The following VPS50 variants were observed in gnomAD, a reference collection of about 807,000 sequenced individuals.
VPS50 encodes the protein syndetin.
Under a neutral mutation model 139.7 loss-of-function variants are expected in VPS50, and 70 were observed. That is an observed-to-expected ratio of 0.50 (90% confidence interval 0.41 to 0.61). The LOEUF (loss-of-function observed/expected upper bound fraction) is 0.61. Among genes scored for constraint, VPS50 ranks in the 20% least tolerant of loss-of-function variants. The pLI is 0.00. For synonymous variants in VPS50, 365 were observed against 376.7 expected (o/e 0.97, Z 0.36); for missense variants, 921 against 1,133.7 (o/e 0.81, Z 2.69).
chr7:93,311,730 G>A (rs566761437), intron 20 of VPS50, among the ~76,000 whole-genome samples: 1 of 146,000 alleles, frequency 6.8e-6, no homozygotes, highest in East Asian at 1.9e-4. Flanking sequence ...TATAGGAAAT[G>A]TTGTTTTTGT....
At chr7:93,346,719 T>TG (rs1227730919) in intron 23 of VPS50, among the ~76,000 whole-genome samples, 1 of 147,362 alleles carries the variant, frequency 6.8e-6, no homozygotes, top group East Asian at 2.0e-4. Flanking sequence ...AAACAAGCAA[T>TG]GGGGAAAGGA....
At chr7:93,268,987 A>G (rs1427220511) in intron 9 of VPS50, among the ~76,000 whole-genome samples, 4 of 152,154 alleles carry the variant, frequency 2.6e-5, no homozygotes, top group Non-Finnish European at 5.9e-5. Flanking sequence ...TTACATATAG[A>G]GAGGGAAGAA....
At chr7:93,281,057 C>T (rs1796313238) in intron 12 of VPS50, among the ~76,000 whole-genome samples, 1 of 152,110 alleles carries the variant, frequency 6.6e-6, no homozygotes, top group South Asian at 2.1e-4. Flanking sequence ...CCATATTTGT[C>T]TCCAACTGGT....
intron 16 of VPS50, among the ~76,000 whole-genome samples, chr7:93,300,213 A>T (rs533014662): frequency 1.3e-5 from 2 of 152,292 alleles, no homozygotes; most frequent in South Asian, 2.1e-4. Flanking sequence ...TTTGGGCTTC[A>T]AAACATTTCC....
intron 16 of VPS50, among the ~76,000 whole-genome samples, chr7:93,299,773 T>C (rs982885886): frequency 3.3e-5 from 5 of 152,116 alleles, no homozygotes; most frequent in Non-Finnish European, 5.9e-5. Context: ...TTTCTACTTC[T>C]CAAAAGTATA....
chr7:93,269,363 G>T (rs554776862), intron 9 of VPS50, among the ~76,000 whole-genome samples: 1 of 152,132 alleles, frequency 6.6e-6, no homozygotes, highest in Admixed American at 6.6e-5. Context: ...CCTGGTTAGA[G>T]ATCTTAATTT....
intron 9 of VPS50, among the ~76,000 whole-genome samples, chr7:93,263,039 GT>G (rs35092297): frequency 3.4e-5 from 5 of 147,264 alleles, no homozygotes; most frequent in Non-Finnish European, 6.0e-5. Context: ...CTTTTTTTTT[GT>G]TTTTTTTTCT....
At chr7:93,340,058 T>G (rs1457145717) in intron 22 of VPS50, among the ~76,000 whole-genome samples, 1 of 152,198 alleles carries the variant, frequency 6.6e-6, no homozygotes, top group African/African-American at 2.4e-5. Context: ...TAAAAGTTCT[T>G]AATGGCCTTC....
At chr7:93,235,072 G>A (rs1310332870) in intron 1 of VPS50, among the ~76,000 whole-genome samples, 1 of 152,162 alleles carries the variant, frequency 6.6e-6, no homozygotes, top group Non-Finnish European at 1.5e-5. Context: ...GCCACGGAAG[G>A]CCTCACAGAG....
chr7:93,280,276 C>T (rs1314120256), intron 12 of VPS50, among the ~76,000 whole-genome samples: 1 of 151,890 alleles, frequency 6.6e-6, no homozygotes, highest in Non-Finnish European at 1.5e-5. Flanking sequence ...AGTCTGTTTT[C>T]TCTGCTTTTC....
At chr7:93,247,361 TAC>T (rs1795186816) in intron 2 of VPS50, among the ~76,000 whole-genome samples, 1 of 152,154 alleles carries the variant, frequency 6.6e-6, no homozygotes, top group Admixed American at 6.6e-5. Flanking sequence ...TCTTTTGGCA[TAC>T]ATGCAGACTC....
At chr7:93,346,004 A>G (rs1798381725) in intron 23 of VPS50, among the ~76,000 whole-genome samples, 1 of 152,212 alleles carries the variant, frequency 6.6e-6, no homozygotes, top group Non-Finnish European at 1.5e-5. Flanking sequence ...AAGGAAATAA[A>G]GGGTATTCAA....
At chr7:93,289,217 T>C (rs1192161076) in intron 12 of VPS50, among the ~76,000 whole-genome samples, 3 of 152,146 alleles carry the variant, frequency 2.0e-5, no homozygotes, top group Non-Finnish European at 4.4e-5. Flanking sequence ...TTGAGATTGG[T>C]GAGAATTTGC....
intron 2 of VPS50, among the ~76,000 whole-genome samples, chr7:93,244,221 C>T (rs1312269010): frequency 6.6e-6 from 1 of 151,866 alleles, no homozygotes; most frequent in African/African-American, 2.4e-5. Context: ...CCTGCCTACT[C>T]TGAAGCATTT....
chr7:93,251,932 T>C (rs1795347804), intron 2 of VPS50, among the ~76,000 whole-genome samples: 1 of 152,214 alleles, frequency 6.6e-6, no homozygotes, highest in Admixed American at 6.5e-5. Flanking sequence ...TGAAGCTTTA[T>C]CTGATTATGC....
At chr7:93,320,138 A>C (rs1031477230) in intron 20 of VPS50, among the ~76,000 whole-genome samples, 1 of 152,114 alleles carries the variant, frequency 6.6e-6, no homozygotes, top group Non-Finnish European at 1.5e-5. Context: ...AATTAGAACT[A>C]TGTTCGAGCT....
At chr7:93,304,188 G>A (rs182504233) in intron 17 of VPS50, among the ~76,000 whole-genome samples, 1 of 151,890 alleles carries the variant, frequency 6.6e-6, no homozygotes, top group Non-Finnish European at 1.5e-5. Context: ...ATTGTGTTCT[G>A]GAAATATCAA....
At chr7:93,240,571 G>T (rs1261711701) in intron 2 of VPS50, among the ~76,000 whole-genome samples, 1 of 152,102 alleles carries the variant, frequency 6.6e-6, no homozygotes, top group Admixed American at 6.6e-5. Flanking sequence ...TTAAATCCCT[G>T]CTGTTTTTCT....
intron 21 of VPS50, among the ~76,000 whole-genome samples, chr7:93,324,556 G>GTCTT (rs1402598253): frequency 1.3e-5 from 2 of 152,110 alleles, no homozygotes; most frequent in African/African-American, 4.8e-5. Flanking sequence ...CGTGGTTTTT[G>GTCTT]TCTTTGGTTC....
Sources: gnomAD v4.1 joint callset for allele counts (sites outside exome capture counted in the v4.1 genomes callset) on GRCh38, gnomAD v4.1.1 for gene constraint, MANE v1.5 for transcripts, NCBI Gene and HGNC (gene_info 2026-07-23, HGNC 2026-07-21) for gene names.